MAML3: variants seen among roughly 807,000 people sequenced by gnomAD.
The protein encoded by MAML3 is mastermind like transcriptional coactivator 3, also known as mastermind-like protein 3.
MAML3 carries 27 observed loss-of-function variants against 101.9 expected under a neutral mutation model. That is an observed-to-expected ratio of 0.27 (90% CI 0.20 to 0.37). The LOEUF (loss-of-function observed/expected upper bound fraction) is 0.37, where lower values mean the gene tolerates loss of function less well. Ranked by LOEUF, MAML3 falls within the 10% of genes least tolerant of loss-of-function variation. The pLI is 1.00. For synonymous variants in MAML3, 501 were observed against 555.9 expected (o/e 0.90, Z 1.39); for missense variants, 1,316 against 1,444.9 (o/e 0.91, Z 1.45).
intron 2 of MAML3, among the ~76,000 whole-genome samples, chr4:139,856,083 C>A (rs970581649): frequency 7.9e-5 from 12 of 152,206 alleles, no homozygotes; most frequent in Non-Finnish European, 1.5e-4. Context: ...TCTATCTCCA[C>A]AAGAGACTAA....
intron 2 of MAML3, among the ~76,000 whole-genome samples, chr4:139,865,485 G>GTTT (rs67288115): frequency 1.7e-4 from 15 of 90,088 alleles, no homozygotes; most frequent in African/African-American, 9.7e-4. Flanking sequence ...TCTGTAAAAG[G>GTTT]TTTTTTTTTT....
intron 2 of MAML3, among the ~76,000 whole-genome samples, chr4:139,823,588 A>G (rs1340978121): frequency 6.6e-6 from 1 of 152,068 alleles, no homozygotes; most frequent in Non-Finnish European, 1.5e-5. Flanking sequence ...CAAGGGTGGA[A>G]TTAAATTAGA....
At chr4:139,957,437 T>C (rs1036753669) in intron 1 of MAML3, among the ~76,000 whole-genome samples, 1 of 152,248 alleles carries the variant, frequency 6.6e-6, no homozygotes, top group Non-Finnish European at 1.5e-5. Flanking sequence ...GAAAACAAAA[T>C]GTATTAAGAA....
chr4:139,852,714 C>T (rs1311393557), intron 2 of MAML3, among the ~76,000 whole-genome samples: 1 of 152,136 alleles, frequency 6.6e-6, no homozygotes, highest in Non-Finnish European at 1.5e-5. Context: ...CGTGCCTGGC[C>T]TGGACTGTGT....
intron 2 of MAML3, among the ~76,000 whole-genome samples, chr4:139,803,133 A>G (rs566612750): frequency 2.2e-4 from 33 of 152,284 alleles, no homozygotes; most frequent in Middle Eastern, 3.4e-3. Flanking sequence ...GACTGGGCAC[A>G]GTGGCTCACA....
intron 1 of MAML3, among the ~76,000 whole-genome samples, chr4:139,969,730 T>C (rs1734201652): frequency 6.6e-6 from 1 of 152,200 alleles, no homozygotes; most frequent in Non-Finnish European, 1.5e-5. Context: ...TAGGGCCTAC[T>C]GTAGATGAGA....
chr4:140,007,289 C>G (rs576247325), intron 1 of MAML3, among the ~76,000 whole-genome samples: 3 of 152,114 alleles, frequency 2.0e-5, no homozygotes, highest in Non-Finnish European at 2.9e-5. Flanking sequence ...AAATTTATCA[C>G]CAACTGGAGG....
At chr4:140,152,643 CCCT>C (rs1393105674) in intron 1 of MAML3, among the ~76,000 whole-genome samples, 1 of 152,134 alleles carries the variant, frequency 6.6e-6, no homozygotes, top group Non-Finnish European at 1.5e-5. Flanking sequence ...CCCTCTCGCC[CCCT>C]CCTCCCCAAA....
chr4:140,089,347 T>C (rs1728007350), intron 1 of MAML3, among the ~76,000 whole-genome samples: 1 of 152,206 alleles, frequency 6.6e-6, no homozygotes, highest in Admixed American at 6.5e-5. Context: ...CCCTTGACAA[T>C]CAGTTACACA....
At chr4:139,868,734 G>A (rs1464027877) in intron 2 of MAML3, among the ~76,000 whole-genome samples, 1 of 152,144 alleles carries the variant, frequency 6.6e-6, no homozygotes, top group African/African-American at 2.4e-5. Context: ...CTTAAAAATT[G>A]TGGCATTTTG....
intron 1 of MAML3, among the ~76,000 whole-genome samples, chr4:139,964,336 G>A (rs1371676176): frequency 3.9e-5 from 6 of 151,976 alleles, no homozygotes; most frequent in Admixed American, 6.6e-5. Flanking sequence ...ACCAACACAG[G>A]AACAAAAAAC....
chr4:139,764,366 G>A (rs1729812105), intron 2 of MAML3, among the ~76,000 whole-genome samples: 1 of 152,218 alleles, frequency 6.6e-6, no homozygotes, highest in African/African-American at 2.4e-5. Context: ...TGGCAAGGCT[G>A]CTTGCTAAAC....
intron 1 of MAML3, among the ~76,000 whole-genome samples, chr4:140,045,860 T>C (rs1422040042): frequency 2.6e-5 from 4 of 152,196 alleles, no homozygotes; most frequent in Admixed American, 6.6e-5. Flanking sequence ...CTCCATTTTA[T>C]ACTTAGAGAA....
intron 1 of MAML3, among the ~76,000 whole-genome samples, chr4:140,029,715 T>C (rs563653701): frequency 2.6e-4 from 40 of 152,354 alleles, no homozygotes; most frequent in African/African-American, 7.5e-4. Flanking sequence ...CCCATAATTA[T>C]TACATAAATG....
At chr4:140,060,509 TTCTTTGAACAGGGCATTAGA>T (rs1441571750) in intron 1 of MAML3, among the ~76,000 whole-genome samples, 8 of 152,104 alleles carry the variant, frequency 5.3e-5, no homozygotes, top group South Asian at 2.1e-4. Flanking sequence ...TTATAAGAAT[TTCTTTGAACAGGGCATTAGA>T]TCTTTGAACA....
intron 1 of MAML3, among the ~76,000 whole-genome samples, chr4:140,132,178 G>A (rs1728805432): frequency 6.6e-6 from 1 of 152,214 alleles, no homozygotes; most frequent in Non-Finnish European, 1.5e-5. Flanking sequence ...GAAGAATACA[G>A]AAAAGGAGGA....
intron 2 of MAML3, among the ~76,000 whole-genome samples, chr4:139,748,677 G>A (rs1487526000): frequency 1.3e-5 from 2 of 152,256 alleles, no homozygotes; most frequent in East Asian, 3.9e-4. Flanking sequence ...TGTTTCTGGG[G>A]TAAGGAGCAA....
At chr4:139,866,384 C>A (rs1193920663) in intron 2 of MAML3, among the ~76,000 whole-genome samples, 1 of 152,198 alleles carries the variant, frequency 6.6e-6, no homozygotes, top group Non-Finnish European at 1.5e-5. Flanking sequence ...GAATACAGAA[C>A]AAAGTTTGGA....
At chr4:140,097,439 C>T (rs750497835) in intron 1 of MAML3, among the ~76,000 whole-genome samples, 4 of 151,968 alleles carry the variant, frequency 2.6e-5, no homozygotes, top group South Asian at 2.1e-4. Context: ...TGGTCATTTC[C>T]GTAGTGGGTC....
Sources: gnomAD v4.1 joint callset for allele counts (sites outside exome capture counted in the v4.1 genomes callset) on GRCh38, gnomAD v4.1.1 for gene constraint, MANE v1.5 for transcripts, NCBI Gene and HGNC (gene_info 2026-07-23, HGNC 2026-07-21) for gene names.